Variants in DOCK5 observed in about 807,000 individuals in gnomAD.
DOCK5 encodes dedicator of cytokinesis protein 5.
Under a neutral mutation model 251.8 loss-of-function variants are expected in DOCK5, and 142 were observed. The ratio of observed to expected loss-of-function variants is 0.56; its 90% CI spans 0.49 to 0.65. The LOEUF (loss-of-function observed/expected upper bound fraction) is 0.65, where lower values mean the gene tolerates loss of function less well. Among genes scored for constraint, DOCK5 ranks in the 30% least tolerant of loss-of-function variants. DOCK5 has a pLI of 0.00. For synonymous variants in DOCK5, 842 were observed against 835.5 expected, an observed-to-expected ratio of 1.01 and a Z score of -0.13; for missense variants, 2,111 against 2,312.3, an observed-to-expected ratio of 0.91 and a Z score of 1.79.
Position 25,342,436 on chromosome 8 carries a change from A to G in DOCK5, c.2546A>G (p.Asp849Gly). Residue 849 changes from aspartate to glycine, a missense_variant, in exon 25 of 52, where the codon GAC becomes GGC. By Grantham distance (94) the Asp-to-Gly change is moderately conservative (BLOSUM62 -1). This residue lies in a region of DOCK5 where 1,717 missense variants were observed against 1,892.4 expected (regional missense o/e 0.91). Transcript: ENST00000276440. ...LFCKFIQSIP[D>G]NQLVRQKLNC... is the part of the protein sequence containing the mutation. ...TGCAAATTCATTCAAAGCATTCCTGACAACCAGCTGGTTCGGCAGAAACTT... is the reference window on the plus strand; with the variant it reads ...TGCAAATTCATTCAAAGCATTCCTGGCAACCAGCTGGTTCGGCAGAAACTT... The G allele has an allele frequency of 6.2e-7, 1 of 1,601,058 alleles. No individual in the cohort carries two copies. Among genetic ancestry groups the G allele is most frequent in the Non-Finnish European group, 8.5e-7 (1 of 1,172,852 alleles).
intron 10 of DOCK5, 50 bp downstream of exon 10, chr8:25,302,504 A>G (rs1804792643): frequency 1.4e-6 from 2 of 1,447,450 alleles, no homozygotes; most frequent in African/African-American, 2.9e-5. Flanking sequence ...TGCTGTGGAA[A>G]ATAGCATGGC....
chr8:25,249,659 T>C (rs1803215182), intron 2 of DOCK5, among the ~76,000 whole-genome samples: 1 of 152,206 alleles, frequency 6.6e-6, no homozygotes, highest in African/African-American at 2.4e-5. Context: ...TGATCACGGC[T>C]CACTGCAGCC....
chr8:25,186,514 G>A (rs1801435968), intron 1 of DOCK5, among the ~76,000 whole-genome samples: 1 of 152,010 alleles, frequency 6.6e-6, no homozygotes, highest in African/African-American at 2.4e-5. Context: ...GAGTAGCTGG[G>A]ATTACGGGCT....
Position 25,332,333 on chromosome 8 carries a change from A to G in DOCK5, c.1986A>G (p.Gly662=), listed in dbSNP as rs1194159436. The change falls in exon 19 of 52, where the codon GGA becomes GGG. Residue 662 remains glycine, a synonymous_variant. Transcript: ENST00000276440. The part of the protein sequence containing the change: ...HNLKKLMEVD[G]GEIVKFLQDT... ...TAAAGAAGTTAATGGAAGTGGATGG[A>G]GGAGAGATTGTTAAGGTATGTTTAT... The G allele has an allele frequency of 2.5e-6, 4 of 1,613,038 alleles. No homozygotes were observed. Among genetic ancestry groups the G allele is most frequent in the Non-Finnish European group, 3.4e-6 (4 of 1,179,308 alleles).
Position 25,296,580 on chromosome 8 carries a change from A to G in DOCK5, c.538A>G (p.Thr180Ala), listed in dbSNP as rs751502358. The G allele has an allele frequency of 6.2e-7, 1 of 1,612,484 alleles. No homozygotes were observed. Among genetic ancestry groups the G allele is most frequent in the African/African-American group, 1.3e-5 (1 of 74,878 alleles). The change falls in exon 7 of 52, where the codon ACC becomes GCC. Residue 180 changes from threonine to alanine, a missense_variant. By Grantham distance (58) the Thr-to-Ala change is moderately conservative (BLOSUM62 0). This residue lies in a region of DOCK5 where 335 missense variants were observed against 324.9 expected (regional missense o/e 1.03). Coordinates refer to ENST00000276440, the MANE Select transcript of DOCK5 (RefSeq NM_024940.8). ...GNILDPDETS[T>A]IALFKAHEVA... ...CATCCTAGACCCTGACGAAACCAGC[A>G]CCATTGCCCTCTTCAAGGCCCATGA... is the stretch of plus-strand genomic sequence containing the variant.
chr8:25,320,138 A>G (rs1805383235), intron 15 of DOCK5, among the ~76,000 whole-genome samples: 1 of 152,200 alleles, frequency 6.6e-6, no homozygotes, highest in Non-Finnish European at 1.5e-5. Flanking sequence ...CATCTTTCAT[A>G]TTAGGTACTG....
intron 5 of DOCK5, among the ~76,000 whole-genome samples, chr8:25,280,705 TTA>T (rs530481013): frequency 1.3e-5 from 2 of 152,202 alleles, no homozygotes; most frequent in African/African-American, 2.4e-5. Context: ...TTTGATCTCT[TTA>T]TGTTTAGTTG....
intron 1 of DOCK5, among the ~76,000 whole-genome samples, chr8:25,238,394 G>A (rs920784042): frequency 2.6e-5 from 4 of 152,266 alleles, no homozygotes; most frequent in Admixed American, 2.0e-4. Context: ...TATGAAATAC[G>A]CTGGAAATGT....
At chr8:25,382,192 G>A (rs1801079390) in intron 39 of DOCK5, among the ~76,000 whole-genome samples, 1 of 151,908 alleles carries the variant, frequency 6.6e-6, no homozygotes, top group African/African-American at 2.4e-5. Context: ...GCCCAGGCTG[G>A]TCTCAAACTC....
chr8:25,360,179 G>A (rs1304916039), intron 28 of DOCK5, among the ~76,000 whole-genome samples: 1 of 152,196 alleles, frequency 6.6e-6, no homozygotes, highest in Admixed American at 6.5e-5. Context: ...CTCCTTCCTT[G>A]CCCATTACCC....
intron 14 of DOCK5, among the ~76,000 whole-genome samples, chr8:25,319,361 C>T (rs1009725362): frequency 2.6e-5 from 4 of 152,096 alleles, no homozygotes; most frequent in Non-Finnish European, 4.4e-5. Flanking sequence ...TGCTGGGTTC[C>T]TTAGCTGCTA....
intron 6 of DOCK5, 64 bp downstream of exon 6, chr8:25,292,236 T>C (rs904240189): frequency 6.9e-7 from 1 of 1,452,834 alleles, no homozygotes; most frequent in African/African-American, 1.4e-5. Context: ...TTCACGCTAA[T>C]GACACTGTTT....
intron 42 of DOCK5, among the ~76,000 whole-genome samples, chr8:25,390,578 G>C (rs1212232775): frequency 3.9e-5 from 6 of 152,138 alleles, no homozygotes; most frequent in African/African-American, 1.4e-4. Flanking sequence ...GTAATACAAA[G>C]GGATGTGGGG....
rs1046016156 is a variant in DOCK5, at chr8:25,390,354, C to G, written c.4355+67C>G. The stretch of plus-strand genomic sequence containing the variant: ...AGGCACAGTGGCTCACATCTATAAT[C>G]TCAACATTTTCCGAAGCTGAGGGAG... On this transcript the variant is annotated intron_variant, in intron 42 of 51. Coordinates refer to ENST00000276440, the MANE Select transcript of DOCK5 (RefSeq NM_024940.8). 25 of 1,388,940 alleles carry G rather than the reference C, an allele frequency of 1.8e-5. No individual in the cohort carries two copies. In the African/African-American group the frequency reaches 3.1e-4, roughly 17 times the overall value. 86.0% of individuals were successfully genotyped at this position (1,388,940 alleles called of 1,614,324 possible).
intron 34 of DOCK5, among the ~76,000 whole-genome samples, chr8:25,370,692 A>C (rs1449369580): frequency 6.6e-6 from 1 of 152,100 alleles, no homozygotes; most frequent in Non-Finnish European, 1.5e-5. Context: ...ACTTGTGTAG[A>C]AATGGGGTCT....
intron 20 of DOCK5, among the ~76,000 whole-genome samples, chr8:25,333,602 G>C (rs1231112614): frequency 6.6e-6 from 1 of 152,120 alleles, no homozygotes; most frequent in Non-Finnish European, 1.5e-5. Flanking sequence ...AGGGTAGTGT[G>C]GCTGATTTTA....
chr8:25,236,772 T>G (rs1025185689), intron 1 of DOCK5, among the ~76,000 whole-genome samples: 27 of 150,946 alleles, frequency 1.8e-4, no homozygotes, highest in Non-Finnish European at 3.7e-4. Context: ...TTTTTTTTTG[T>G]ATTTTTAGTA....
At chr8:25,317,291 A>C in intron 14 of DOCK5, 160 bp downstream of exon 14, 1 of 1,045,358 alleles carries the variant, frequency 9.6e-7, no homozygotes, top group Non-Finnish European at 1.4e-6. Flanking sequence ...AGCAGTGAGC[A>C]GTTTCACTAA....
intron 1 of DOCK5, among the ~76,000 whole-genome samples, chr8:25,207,472 A>G (rs1802028348): frequency 6.6e-6 from 1 of 152,208 alleles, no homozygotes; most frequent in African/African-American, 2.4e-5. Flanking sequence ...GTTAGGGGCT[A>G]ATGCAGCTGG....
Sources: allele counts gnomAD v4.1 joint callset (sites outside exome capture counted in the v4.1 genomes callset), GRCh38; gene constraint gnomAD v4.1.1; regional missense constraint gnomAD v4.1.1; transcripts MANE v1.5; gene names NCBI Gene and HGNC (gene_info 2026-07-23, HGNC 2026-07-21).